Variants in ZEB2 observed in about 807,000 individuals in gnomAD.
ZEB2 encodes the protein zinc finger E-box binding homeobox 2.
ZEB2 carries 6 observed loss-of-function variants against 99.9 expected under a neutral mutation model. The ratio of observed to expected loss-of-function variants is 0.06; its 90% CI spans 0.03 to 0.12. The LOEUF (loss-of-function observed/expected upper bound fraction) is 0.12. ZEB2 is among the 10% of genes least tolerant of loss of function. ZEB2 has a pLI of 1.00. For synonymous variants in ZEB2, 517 were observed against 542.5 expected (o/e 0.95, Z 0.65); for missense variants, 969 against 1,502.8 (o/e 0.64, Z 5.87).
At chr2:144,426,687 T>G (rs1703694540) in intron 3 of ZEB2, 1 of 152,200 alleles carries the variant, frequency 6.6e-6, no homozygotes, top group Admixed American at 6.6e-5. Flanking sequence ...TGTAGTATTA[T>G]TTAGTTATAA....
chr2:144,432,486 ATCTCATTCTGCT>A (rs751208874), intron 2 of ZEB2, among the ~76,000 whole-genome samples: 5 of 152,106 alleles, frequency 3.3e-5, no homozygotes, highest in Non-Finnish European at 7.4e-5. Flanking sequence ...AAATGAGACA[ATCTCATTCTGCT>A]CTTTCTGGTT....
At chr2:144,508,803 T>A (rs1704988542) in intron 2 of ZEB2, among the ~76,000 whole-genome samples, 1 of 152,068 alleles carries the variant, frequency 6.6e-6, no homozygotes, top group Non-Finnish European at 1.5e-5. Context: ...AGCCCCTTTC[T>A]TCATCACAAA....
intron 2 of ZEB2, among the ~76,000 whole-genome samples, chr2:144,442,539 T>A (rs1260296229): frequency 6.6e-6 from 1 of 152,100 alleles, no homozygotes; most frequent in African/African-American, 2.4e-5. Flanking sequence ...TCTTCAAATA[T>A]TTTTTGCAAA....
At chr2:144,442,803 T>C (rs1301470702) in intron 2 of ZEB2, among the ~76,000 whole-genome samples, 1 of 152,170 alleles carries the variant, frequency 6.6e-6, no homozygotes, top group African/African-American at 2.4e-5. Context: ...ACAACACTGA[T>C]ATCAGTTTAA....
intron 5 of ZEB2, 93 bp downstream of exon 5, chr2:144,404,743 A>G (rs1026825389): frequency 1.4e-6 from 2 of 1,468,638 alleles, no homozygotes; most frequent in Non-Finnish European, 1.9e-6. Context: ...CTGTTCTTCA[A>G]ATTTTAAGGT....
At chr2:144,473,162 G>A (rs906857956) in intron 2 of ZEB2, among the ~76,000 whole-genome samples, 3 of 152,112 alleles carry the variant, frequency 2.0e-5, no homozygotes, top group Admixed American at 6.6e-5. Context: ...CATTGGCAAA[G>A]AAAAAGTAGC....
chr2:144,394,422 G>A (rs556930305), intron 9 of ZEB2: 3 of 152,090 alleles, frequency 2.0e-5, no homozygotes, highest in African/African-American at 7.2e-5. Context: ...TTTGCATATG[G>A]TCATATAATA....
intron 2 of ZEB2, among the ~76,000 whole-genome samples, chr2:144,441,859 G>A (rs1703922851): frequency 6.6e-6 from 1 of 152,170 alleles, no homozygotes; most frequent in Non-Finnish European, 1.5e-5. Context: ...GTTATCTTAT[G>A]AAGTATTGAT....
chr2:144,512,493 AGAAG>A, intron 2 of ZEB2: 1 of 1,287,242 alleles, frequency 7.8e-7, no homozygotes, highest in African/African-American at 1.5e-5. Flanking sequence ...AAGCAAATTA[AGAAG>A]GAAGGGAAAC....
chr2:144,517,718 A>AG (rs1705185409), intron 1 of ZEB2: 1 of 702,822 alleles, frequency 1.4e-6, no homozygotes, highest in Non-Finnish European at 2.6e-6. Flanking sequence ...CGGTACAGTA[A>AG]GACCGCTTGA....
At chr2:144,467,162 TA>T (rs199536081) in intron 2 of ZEB2, among the ~76,000 whole-genome samples, 173 of 140,340 alleles carry the variant, frequency 1.2e-3, no homozygotes, top group East Asian at 7.7e-3. Context: ...CATTGTTAAA[TA>T]AAAAAAAAAA....
intron 8 of ZEB2, 103 bp from the exon 9 acceptor site, chr2:144,396,695 C>T (rs1283631274): frequency 7.8e-7 from 1 of 1,283,070 alleles, no homozygotes; most frequent in Non-Finnish European, 1.1e-6. Flanking sequence ...TTGCTTGCTA[C>T]TAATTGATTG....
At chr2:144,459,094 C>T (rs1424339506) in intron 2 of ZEB2, among the ~76,000 whole-genome samples, 1 of 152,054 alleles carries the variant, frequency 6.6e-6, no homozygotes, top group Non-Finnish European at 1.5e-5. Flanking sequence ...ATAAACATAG[C>T]ATACACAAAT....
chr2:144,480,505 A>G (rs1704494877), intron 2 of ZEB2, among the ~76,000 whole-genome samples: 1 of 152,194 alleles, frequency 6.6e-6, no homozygotes, highest in Non-Finnish European at 1.5e-5. Context: ...CAAGTGGGAA[A>G]CAAAGATGAG....
rs141698487 is a variant in ZEB2 at position 144,488,670 on chromosome 2, A to AGTGTGTGTGTGTGTGAGTGT, written c.73+28607_73+28608insACACTCACACACACACACAC. The stretch of plus-strand genomic sequence containing the variant: ...TCTTAAGGATAATTGCTCGTGTGTG[A>AGTGTGTGTGTGTGTGAGTGT]GTGTGTGTGTGTGTGTGTGTGTGTG... On this transcript the variant is annotated intron_variant, in intron 2 of 9. Coordinates refer to ENST00000627532, the MANE Select transcript of ZEB2 (RefSeq NM_014795.4). Among the ~76,000 whole-genome samples the AGTGTGTGTGTGTGTGAGTGT allele has an allele frequency of 1.8e-3, 260 of 148,128 alleles. 1 individual carries two copies. Among genetic ancestry groups the AGTGTGTGTGTGTGTGAGTGT allele is most frequent in the Non-Finnish European group, 2.7e-3 (184 of 66,992 alleles).
chr2:144,498,594 T>C (rs959765502), intron 2 of ZEB2, among the ~76,000 whole-genome samples: 1 of 152,170 alleles, frequency 6.6e-6, no homozygotes, highest in Admixed American at 6.5e-5. Flanking sequence ...TGGTGACCTT[T>C]CAGTTTCCTC....
rs1362284412 is a variant in ZEB2, at chr2:144,454,501, T to A, written c.74-24475A>T. Among the ~76,000 whole-genome samples, 5 of 152,250 alleles carry A rather than the reference T, an allele frequency of 3.3e-5. No homozygotes were observed. The East Asian group carries it at 9.6e-4, about 29-fold the overall frequency. ...GGACGCTTGCTATCACTAGAACCCC[T>A]CCCTATTCAAAATTTACACACAAAC... is the stretch of plus-strand genomic sequence containing the variant. On this transcript the variant is annotated intron_variant, in intron 2 of 9. Transcript: ENST00000627532.
At chr2:144,482,796 G>C (rs185471113) in intron 2 of ZEB2, among the ~76,000 whole-genome samples, 45 of 149,232 alleles carry the variant, frequency 3.0e-4, no homozygotes, top group Admixed American at 2.7e-3. Flanking sequence ...TACTTTTACA[G>C]TTAGACTCTT....
At chr2:144,413,946 C>A (rs972197723) in intron 4 of ZEB2, among the ~76,000 whole-genome samples, 5 of 152,182 alleles carry the variant, frequency 3.3e-5, no homozygotes, top group African/African-American at 9.7e-5. Flanking sequence ...AAAAAAAGTT[C>A]TTCTTTCCCC....
Sources: gnomAD v4.1 joint callset for allele counts (sites outside exome capture counted in the v4.1 genomes callset) on GRCh38, gnomAD v4.1.1 for gene constraint, MANE v1.5 for transcripts, NCBI Gene and HGNC (gene_info 2026-07-23, HGNC 2026-07-21) for gene names.